SLCO1B1: variants seen among roughly 807,000 people sequenced by gnomAD.
SLCO1B1 encodes the protein OATP-2.
A neutral mutation model predicts 70.1 loss-of-function variants in SLCO1B1; 81 were observed. The ratio of observed to expected loss-of-function variants is 1.16; its 90% CI spans 0.97 to 1.39. The LOEUF is 1.39. SLCO1B1 is among the 40% of genes most tolerant of loss of function. The pLI, the probability that SLCO1B1 is intolerant of heterozygous loss-of-function variation, is 0.00. For missense variants in SLCO1B1, 895 were observed against 799.6 expected (o/e 1.12, Z -1.44); for synonymous variants, 283 against 271.5 (o/e 1.04, Z -0.42).
In SLCO1B1 at chr12:21,239,299, T is replaced by A; in HGVS notation, c.*110T>A. 1.2e-6 allele frequency: 1 copy of A among 807,838 alleles called. No individual in the cohort carries two copies. The highest frequency in any genetic ancestry group is 2.5e-5 in the East Asian group (1 of 40,450). 50.0% of individuals were successfully genotyped at this position (807,838 alleles called of 1,614,324 possible). A position where few individuals can be genotyped will look rare whatever the true frequency, so the allele number is the denominator to read the frequency against. ...GGTCCTTTCACTAAGAATTTCCACA[T>A]CTTTTATGGTGGAAGTATAAATAAG... On this transcript the variant is annotated 3_prime_UTR_variant, in exon 15 of 15. Coordinates refer to ENST00000256958, the MANE Select transcript of SLCO1B1 (RefSeq NM_006446.5).
intron 1 of SLCO1B1, 127 bp from the exon 2 acceptor site, chr12:21,141,387 C>T (rs950492992): frequency 1.1e-4 from 47 of 438,854 alleles, no homozygotes; most frequent in African/African-American, 5.6e-4. Flanking sequence ...AGAGTGGTAA[C>T]GACATAGTAG....
chr12:21,209,379 G>T (rs1237744429), intron 11 of SLCO1B1, among the ~76,000 whole-genome samples: 1 of 152,106 alleles, frequency 6.6e-6, no homozygotes, highest in South Asian at 2.1e-4. Context: ...CCCTACAAAG[G>T]ACATGAACTC....
chr12:21,218,049 G>C (rs1182866379), intron 12 of SLCO1B1, among the ~76,000 whole-genome samples: 2 of 152,146 alleles, frequency 1.3e-5, no homozygotes, highest in Non-Finnish European at 2.9e-5. Flanking sequence ...GTGGGGGGCT[G>C]TGAAGAAGAG....
At chr12:21,157,907 T>C (rs1459254871) in intron 2 of SLCO1B1, among the ~76,000 whole-genome samples, 1 of 152,136 alleles carries the variant, frequency 6.6e-6, no homozygotes, top group East Asian at 1.9e-4. Flanking sequence ...GCCAAGACTG[T>C]ATAATTTGTT....
intron 1 of SLCO1B1, among the ~76,000 whole-genome samples, chr12:21,135,028 GT>G (rs1940198075): frequency 6.6e-6 from 1 of 152,102 alleles, no homozygotes. Context: ...ATTCTCGTAT[GT>G]TGTGTGTTTG....
rs558965582 is a variant in SLCO1B1, at chr12:21,193,923, T to G, written c.728-3023T>G. Among the ~76,000 whole-genome samples the G allele has an allele frequency of 6.6e-5, 10 of 152,294 alleles. No homozygotes were observed. The East Asian group carries it at 1.9e-3, about 29-fold the overall frequency. On this transcript the variant is annotated intron_variant, in intron 7 of 14. Transcript: ENST00000256958. ...CTCCTGTTTCTGCCTCCCAAGTAGC[T>G]GGGACTACAGGTGCCCACCACGATG... is the stretch of plus-strand genomic sequence containing the variant.
intron 2 of SLCO1B1, among the ~76,000 whole-genome samples, chr12:21,150,602 G>C (rs928900168): frequency 2.0e-5 from 3 of 152,140 alleles, no homozygotes; most frequent in Non-Finnish European, 4.4e-5. Flanking sequence ...CAGCTGAGGG[G>C]CCTGACTGTT....
intron 1 of SLCO1B1, 74 bp downstream of exon 1, chr12:21,131,310 G>A (rs1476666543): frequency 6.6e-6 from 1 of 151,946 alleles, no homozygotes; most frequent in East Asian, 1.9e-4. Context: ...AGATTTTGAT[G>A]GTCTTGAAAA....
chr12:21,186,981 G>T (rs1361903332), intron 7 of SLCO1B1, among the ~76,000 whole-genome samples: 1 of 152,050 alleles, frequency 6.6e-6, no homozygotes, highest in Non-Finnish European at 1.5e-5. Context: ...AATAACAGAA[G>T]CAGCAGCTTC....
chr12:21,143,096 A>G (rs1295415986), intron 2 of SLCO1B1, among the ~76,000 whole-genome samples: 1 of 152,116 alleles, frequency 6.6e-6, no homozygotes, highest in Admixed American at 6.6e-5. Flanking sequence ...TTGATAAAGA[A>G]TATTAAACTC....
At chr12:21,210,972 G>A (rs977528172) in intron 11 of SLCO1B1, among the ~76,000 whole-genome samples, 1 of 151,940 alleles carries the variant, frequency 6.6e-6, no homozygotes, top group African/African-American at 2.4e-5. Context: ...TGAGACAATG[G>A]GGTTTTCTAG....
chr12:21,197,131 A>G lies in SLCO1B1; in HGVS notation c.913A>G (p.Lys305Glu). The G allele has an allele frequency of 1.2e-6, 2 of 1,613,676 alleles. No individual in the cohort carries two copies. Among genetic ancestry groups the G allele is most frequent in the East Asian group, 4.5e-5 (2 of 44,832 alleles). Residue 305 changes from lysine to glutamate, a missense_variant, in exon 8 of 15, where the codon AAG becomes GAG. Physicochemically the swap from Lys to Glu is moderately conservative, Grantham distance 56. Transcript: ENST00000256958. Reference sequence around the variant, plus strand: ...GCATGTGCTGGAAACAAATGATGAAAAGGATCAAACAGCTAATTTGACCAA... The same window carrying G: ...GCATGTGCTGGAAACAAATGATGAAGAGGATCAAACAGCTAATTTGACCAA... The part of the protein sequence containing the change: ...SLHVLETNDE[K>E]DQTANLTNQG...
At chr12:21,230,908 G>A (rs1469141780) in intron 14 of SLCO1B1, among the ~76,000 whole-genome samples, 4 of 151,760 alleles carry the variant, frequency 2.6e-5, no homozygotes, top group Non-Finnish European at 5.9e-5. Flanking sequence ...GTGCCATGTT[G>A]GTGTACTGCA....
rs185766827 is a variant in SLCO1B1 at position 21,132,415 on chromosome 12, T to A, written c.-62+1179T>A. ...AGATCCCTGAGGAATCGCCACACTGTCTTCCACAATGGTTGAACTAGTTTA... is the reference window on the plus strand; with the variant it reads ...AGATCCCTGAGGAATCGCCACACTGACTTCCACAATGGTTGAACTAGTTTA... On this transcript the variant is annotated intron_variant, in intron 1 of 14. Transcript: ENST00000256958. Among the ~76,000 whole-genome samples the A allele has an allele frequency of 3.9e-5, 6 of 152,284 alleles. No homozygotes were observed. In the East Asian group the frequency reaches 7.7e-4, roughly 20 times the overall value.
chr12:21,202,974 A>G (rs887384717), intron 10 of SLCO1B1, among the ~76,000 whole-genome samples: 4 of 152,096 alleles, frequency 2.6e-5, no homozygotes, highest in African/African-American at 9.6e-5. Flanking sequence ...TGGGAAAAGT[A>G]AGGCTTAGAG....
intron 2 of SLCO1B1, among the ~76,000 whole-genome samples, chr12:21,170,049 G>C (rs2121093574): frequency 6.6e-6 from 1 of 152,240 alleles, no homozygotes; most frequent in East Asian, 1.9e-4. Context: ...CCTTTCTGGG[G>C]CTGCATTAAA....
intron 7 of SLCO1B1, among the ~76,000 whole-genome samples, chr12:21,190,318 A>T (rs755510049): frequency 1.3e-5 from 2 of 152,166 alleles, no homozygotes; most frequent in Non-Finnish European, 2.9e-5. Context: ...TGTCTGTACT[A>T]AATAAAAGTG....
chr12:21,156,614 T>C (rs937426359), intron 2 of SLCO1B1, among the ~76,000 whole-genome samples: 6 of 152,166 alleles, frequency 3.9e-5, no homozygotes, highest in African/African-American at 1.4e-4. Context: ...AAAAATGCTG[T>C]CTTAATCTAT....
Position 21,197,077 on chromosome 12 carries a change from C to CA in SLCO1B1, c.864dup (p.Glu289ArgfsTer15), listed in dbSNP as rs748254586. 5 of 1,613,168 alleles carry CA rather than the reference C, an allele frequency of 3.1e-6. No homozygotes were observed. The African/African-American group carries it at 5.4e-5, about 17-fold the overall frequency. Reference sequence around the variant, plus strand: ...CTTGCCCCAAACTCCAAATAAACCACAAAAAGAAAGAAAAGCTTCACTGTC... The same window carrying CA: ...CTTGCCCCAAACTCCAAATAAACCACAAAAAAGAAAGAAAAGCTTCACTGTC... On this transcript the variant is annotated frameshift_variant, in exon 8 of 15. Transcript: ENST00000256958. LOFTEE classifies it high-confidence loss of function.
Sources: allele counts gnomAD v4.1 joint callset (sites outside exome capture counted in the v4.1 genomes callset), GRCh38; gene constraint gnomAD v4.1.1; transcripts MANE v1.5; gene names NCBI Gene and HGNC (gene_info 2026-07-23, HGNC 2026-07-21).